The following RABGAP1L variants were observed in gnomAD, a reference collection of about 807,000 sequenced individuals.
The protein encoded by RABGAP1L is RAB GTPase activating protein 1 like, also known as rab GTPase-activating protein 1-like.
RABGAP1L carries 63 observed loss-of-function variants against 137.7 expected under a neutral mutation model. The observed-to-expected ratio is 0.46, with a 90% CI of 0.37 to 0.56. The LOEUF (loss-of-function observed/expected upper bound fraction) is 0.56, where lower values mean the gene tolerates loss of function less well. Among genes scored for constraint, RABGAP1L ranks in the 20% least tolerant of loss-of-function variants. The pLI is 0.00. For missense variants in RABGAP1L, 1,095 were observed against 1,244.0 expected (o/e 0.88, Z 1.80); for synonymous variants, 431 against 433.7 (o/e 0.99, Z 0.08).
chr1:174,730,058 C>G (rs1383250761), intron 17 of RABGAP1L, among the ~76,000 whole-genome samples: 1 of 152,170 alleles, frequency 6.6e-6, no homozygotes, highest in Non-Finnish European at 1.5e-5. Flanking sequence ...AATCCAGGTG[C>G]CTATCAGTGG....
chr1:174,764,201 C>T (rs184226592), intron 18 of RABGAP1L, among the ~76,000 whole-genome samples: 2 of 152,212 alleles, frequency 1.3e-5, no homozygotes, highest in African/African-American at 4.8e-5. Flanking sequence ...TTTTATTTAT[C>T]CATTAATCAG....
At chr1:174,597,197 G>T (rs1433433519) in intron 13 of RABGAP1L, among the ~76,000 whole-genome samples, 1 of 152,022 alleles carries the variant, frequency 6.6e-6, no homozygotes, top group East Asian at 1.9e-4. Flanking sequence ...ATGTGTCTTT[G>T]TCTGGTTTTG....
chr1:174,168,541 T>A (rs1665097263), intron 1 of RABGAP1L, among the ~76,000 whole-genome samples: 1 of 152,152 alleles, frequency 6.6e-6, no homozygotes, highest in South Asian at 2.1e-4. Context: ...TGGTCATATT[T>A]GGACTAATGT....
intron 18 of RABGAP1L, 47 bp from the exon 19 acceptor site, chr1:174,811,785 C>A: frequency 6.9e-7 from 1 of 1,452,100 alleles, no homozygotes; most frequent in Non-Finnish European, 9.1e-7. Flanking sequence ...TATTTGTCCT[C>A]AAAGCAGGCT....
intron 11 of RABGAP1L, among the ~76,000 whole-genome samples, chr1:174,316,324 A>G (rs1039730754): frequency 6.6e-6 from 1 of 152,174 alleles, no homozygotes; most frequent in African/African-American, 2.4e-5. Context: ...CTGAGCATCA[A>G]AGAGTTAGGT....
intron 7 of RABGAP1L, among the ~76,000 whole-genome samples, chr1:174,267,162 A>T (rs1054013436): frequency 1.2e-4 from 19 of 152,210 alleles, no homozygotes; most frequent in Admixed American, 7.2e-4. Flanking sequence ...TAGATGCCAC[A>T]TCAAAAGGAA....
At chr1:174,648,494 T>A (rs1000407049) in intron 14 of RABGAP1L, among the ~76,000 whole-genome samples, 5 of 152,182 alleles carry the variant, frequency 3.3e-5, no homozygotes, top group African/African-American at 9.7e-5. Flanking sequence ...GTTATTCAGT[T>A]TCCATGTAGT....
At chr1:174,561,424 C>T (rs142026543) in intron 13 of RABGAP1L, among the ~76,000 whole-genome samples, 25 of 152,236 alleles carry the variant, frequency 1.6e-4, no homozygotes, top group Non-Finnish European at 2.8e-4. Context: ...GTGAAAATGG[C>T]CATACTGCCT....
chr1:174,182,861 A>C (rs2148298097), intron 1 of RABGAP1L, among the ~76,000 whole-genome samples: 1 of 152,364 alleles, frequency 6.6e-6, no homozygotes, highest in Non-Finnish European at 1.5e-5. Context: ...TGCCTTTCTC[A>C]GTATGGCTAT....
At chr1:174,416,455 A>G (rs1343287684) in intron 13 of RABGAP1L, among the ~76,000 whole-genome samples, 1 of 152,134 alleles carries the variant, frequency 6.6e-6, no homozygotes, top group Non-Finnish European at 1.5e-5. Context: ...AAACTTTAAT[A>G]TTAAATTAAT....
chr1:174,190,321 A>G (rs1240185430), intron 1 of RABGAP1L, among the ~76,000 whole-genome samples: 2 of 145,224 alleles, frequency 1.4e-5, no homozygotes, highest in African/African-American at 5.2e-5. Flanking sequence ...AAAAAAAAAG[A>G]AAGAAAGAAA....
intron 19 of RABGAP1L, among the ~76,000 whole-genome samples, chr1:174,815,953 T>C (rs1690348925): frequency 6.6e-6 from 1 of 152,162 alleles, no homozygotes; most frequent in South Asian, 2.1e-4. Context: ...CTAATATGAA[T>C]ATCCTGTATT....
Position 174,639,780 on chromosome 1 carries a change from A to G in RABGAP1L, c.1824+2292A>G, listed in dbSNP as rs373287673. Among the ~76,000 whole-genome samples, 28 of 152,314 alleles carry G rather than the reference A, an allele frequency of 1.8e-4. No individual in the cohort carries two copies. The East Asian group carries it at 2.3e-3, about 13-fold the overall frequency. ...TACCAAACACAAAAATAAAAGTTGAACGATTGGCACTTTTAAATAGTTGAT... is the reference window on the plus strand; with the variant it reads ...TACCAAACACAAAAATAAAAGTTGAGCGATTGGCACTTTTAAATAGTTGAT... On this transcript the variant is annotated intron_variant, in intron 14 of 25. Transcript: ENST00000681986.
intron 1 of RABGAP1L, among the ~76,000 whole-genome samples, chr1:174,167,022 T>G (rs930761444): frequency 6.6e-6 from 1 of 152,228 alleles, no homozygotes; most frequent in Non-Finnish European, 1.5e-5. Context: ...TCTTCAGTTA[T>G]GTAAGCTCCT....
intron 13 of RABGAP1L, among the ~76,000 whole-genome samples, chr1:174,512,225 AC>A (rs1662417133): frequency 2.0e-5 from 3 of 152,178 alleles, no homozygotes; most frequent in Admixed American, 1.3e-4. Flanking sequence ...GATAACACTT[AC>A]CATCTGGGAC....
In RABGAP1L at chr1:174,448,110, C is replaced by T. The variant is rs559177505; in HGVS notation, c.1710+53965C>T. The stretch of plus-strand genomic sequence containing the variant: ...CTGCAGGTGTCTTTAAATTTCCAAG[C>T]CATGAATGAATCCAGGTGGACTGAA... On this transcript the variant is annotated intron_variant, in intron 13 of 25. Coordinates refer to ENST00000681986, the MANE Select transcript of RABGAP1L (RefSeq NM_001366446.1). This position sits in a 1 kb window ranked among gnomAD's most constrained non-coding sequence, Gnocchi z 4.2. The T allele has an allele frequency of 3.7e-6, 6 of 1,606,162 alleles. No homozygotes were observed. Among genetic ancestry groups the T allele is most frequent in the South Asian group, 3.3e-5 (3 of 89,688 alleles).
chr1:174,479,770 T>A (rs1336487963), intron 13 of RABGAP1L, among the ~76,000 whole-genome samples: 1 of 152,222 alleles, frequency 6.6e-6, no homozygotes. Context: ...ACTCCCTAAT[T>A]AACCCTAGAG....
chr1:174,654,923 C>G (rs576543460), intron 14 of RABGAP1L, among the ~76,000 whole-genome samples: 1 of 142,082 alleles, frequency 7.0e-6, no homozygotes, highest in South Asian at 2.2e-4. Context: ...GCATATAGGA[C>G]AAATGTAATA....
At chr1:174,182,405 C>T (rs184323493) in intron 1 of RABGAP1L, among the ~76,000 whole-genome samples, 24 of 152,254 alleles carry the variant, frequency 1.6e-4, no homozygotes, top group African/African-American at 5.5e-4. Flanking sequence ...TCTCTCCCAC[C>T]CCTTCAATTC....
Sources: allele counts gnomAD v4.1 joint callset (sites outside exome capture counted in the v4.1 genomes callset), GRCh38; gene constraint gnomAD v4.1.1; non-coding constraint Gnocchi (gnomAD v3.1); transcripts MANE v1.5; gene names NCBI Gene and HGNC (gene_info 2026-07-23, HGNC 2026-07-21).